Variants in BIRC6 observed in about 807,000 individuals in gnomAD.
BIRC6 encodes the protein dual E2 ubiquitin-conjugating enzyme/E3 ubiquitin-protein ligase BIRC6.
In BIRC6, 98 loss-of-function variants were observed where a neutral mutation model predicts 503.3. The observed-to-expected ratio is 0.19, with a 90% CI of 0.17 to 0.23. The LOEUF is 0.23. Ranked by LOEUF, BIRC6 falls within the 10% of genes least tolerant of loss-of-function variation. The pLI, the probability that BIRC6 is intolerant of heterozygous loss-of-function variation, is 1.00. For missense variants in BIRC6, 5,360 were observed against 5,806.0 expected, an observed-to-expected ratio of 0.92 and a Z score of 2.50; for synonymous variants, 2,240 against 2,078.7, an observed-to-expected ratio of 1.08 and a Z score of -2.11.
At chr2:32,361,224 C>T (rs944099849) in intron 1 of BIRC6, among the ~76,000 whole-genome samples, 10 of 152,200 alleles carry the variant, frequency 6.6e-5, no homozygotes, top group African/African-American at 2.2e-4. Context: ...TTTGGGCCAC[C>T]GCGCCCAGCC....
intron 71 of BIRC6, among the ~76,000 whole-genome samples, chr2:32,606,754 C>T (rs971353977): frequency 6.7e-6 from 1 of 150,006 alleles, no homozygotes; most frequent in African/African-American, 2.4e-5. Flanking sequence ...GCCTGTAATC[C>T]CAGCACTTTG....
rs1418255378 is a variant in BIRC6, at chr2:32,493,775, G to GGA, written c.8468+110_8468+111dup. On this transcript the variant is annotated intron_variant, in intron 45 of 73. Coordinates refer to ENST00000421745, the MANE Select transcript of BIRC6 (RefSeq NM_016252.4). The stretch of plus-strand genomic sequence containing the variant: ...GAATTTATCTGTGAACAAATAAGCA[G>GGA]GAGGACGGTAGTAATTAAGGGGGAA... 9.2e-6 allele frequency: 8 copies of GGA among 873,674 alleles called. No homozygotes were observed. The Admixed American group carries it at 2.0e-4, about 22-fold the overall frequency. The allele number at this position is 873,674 out of a possible 1,614,324, so 54.1% of individuals were successfully genotyped here.
chr2:32,392,978 A>G (rs529448368), intron 5 of BIRC6, among the ~76,000 whole-genome samples: 2 of 152,174 alleles, frequency 1.3e-5, no homozygotes, highest in South Asian at 4.1e-4. Flanking sequence ...AGTATTCTTC[A>G]GATTTGGTTT....
At chr2:32,440,981 G>A (rs1032405947) in intron 16 of BIRC6, among the ~76,000 whole-genome samples, 1 of 151,910 alleles carries the variant, frequency 6.6e-6, no homozygotes, top group African/African-American at 2.4e-5. Flanking sequence ...GGCTGTTCTC[G>A]AACTCCTGAG....
chr2:32,564,695 G>A (rs1425751540), intron 65 of BIRC6: 1 of 152,228 alleles, frequency 6.6e-6, no homozygotes, highest in Non-Finnish European at 1.5e-5. Flanking sequence ...GGGCTGGCTA[G>A]AAGAGGGGAT....
At chr2:32,375,163 G>A (rs897508776) in intron 1 of BIRC6, among the ~76,000 whole-genome samples, 1 of 151,982 alleles carries the variant, frequency 6.6e-6, no homozygotes, top group African/African-American at 2.4e-5. Flanking sequence ...GTATAGAAAA[G>A]TATGATTGAT....
At chr2:32,361,196 A>G (rs1442606964) in intron 1 of BIRC6, among the ~76,000 whole-genome samples, 1 of 152,100 alleles carries the variant, frequency 6.6e-6, no homozygotes, top group Non-Finnish European at 1.5e-5. Flanking sequence ...TGGCCTCCCA[A>G]AGTGTTGGGA....
At chr2:32,459,828 A>G (rs765067239) in intron 23 of BIRC6, among the ~76,000 whole-genome samples, 12 of 151,440 alleles carry the variant, frequency 7.9e-5, no homozygotes, top group Non-Finnish European at 1.2e-4. Flanking sequence ...TTATGTTGTT[A>G]TAAGCGATCT....
At chr2:32,475,403 C>T (rs1277746509) in intron 33 of BIRC6, among the ~76,000 whole-genome samples, 8 of 151,862 alleles carry the variant, frequency 5.3e-5, no homozygotes, top group Admixed American at 6.6e-5. Context: ...TCATTGTTGT[C>T]GACTGCTGAT....
chr2:32,380,120 C>G (rs945672821), intron 2 of BIRC6, 33 bp from the exon 3 acceptor site: 11 of 1,412,302 alleles, frequency 7.8e-6, no homozygotes, highest in Admixed American at 6.2e-5. Flanking sequence ...GTTGAATTTT[C>G]TGTGATTTTT....
intron 5 of BIRC6, among the ~76,000 whole-genome samples, chr2:32,395,114 C>T (rs1245509305): frequency 2.0e-5 from 3 of 152,168 alleles, no homozygotes; most frequent in Non-Finnish European, 2.9e-5. Flanking sequence ...GATTGCGCCA[C>T]TGCACTCCAG....
At chr2:32,527,334 G>C (rs1377378299) in intron 59 of BIRC6, 1 of 152,158 alleles carries the variant, frequency 6.6e-6, no homozygotes, top group Non-Finnish European at 1.5e-5. Context: ...TCATCCTCCA[G>C]CTAAAATTCT....
intron 70 of BIRC6, among the ~76,000 whole-genome samples, chr2:32,600,797 A>C (rs754004668): frequency 3.3e-5 from 5 of 152,184 alleles, no homozygotes; most frequent in Non-Finnish European, 5.9e-5. Context: ...TTATTTTTAA[A>C]GTTTACACAC....
chr2:32,469,334 T>C (rs1221609951), intron 29 of BIRC6, 61 bp from the exon 30 acceptor site: 2 of 1,259,016 alleles, frequency 1.6e-6, no homozygotes, highest in East Asian at 5.1e-5. Context: ...TAGGCATGCG[T>C]ATTTTAATAT....
At chr2:32,396,634 AT>A (rs2039923647) in intron 6 of BIRC6, among the ~76,000 whole-genome samples, 1 of 152,146 alleles carries the variant, frequency 6.6e-6, no homozygotes, top group Non-Finnish European at 1.5e-5. Context: ...TACATACTAT[AT>A]TTTTTTCCCT....
chr2:32,435,434 C>T, intron 13 of BIRC6, 62 bp from the exon 14 acceptor site: 2 of 1,438,192 alleles, frequency 1.4e-6, no homozygotes, highest in Non-Finnish European at 9.2e-7. Flanking sequence ...ATTAAGTTTA[C>T]TAATATTTTT....
At chr2:32,516,868 T>C (rs1027270025) in intron 55 of BIRC6, among the ~76,000 whole-genome samples, 8 of 152,138 alleles carry the variant, frequency 5.3e-5, no homozygotes, top group Non-Finnish European at 8.8e-5. Flanking sequence ...GTTAAATATT[T>C]TAATTTGTGT....
At chr2:32,588,745 T>C (rs2061222796) in intron 66 of BIRC6, among the ~76,000 whole-genome samples, 1 of 152,232 alleles carries the variant, frequency 6.6e-6, no homozygotes, top group African/African-American at 2.4e-5. Context: ...CCTCCACTAA[T>C]AAAGGGATTT....
Position 32,543,300 on chromosome 2 carries a change from T to A in BIRC6, c.12351T>A (p.Phe4117Leu). The change falls in exon 62 of 74, where the codon TTT becomes TTA. Residue 4117 changes from phenylalanine (F) to leucine (L), a missense_variant. Physicochemically the swap from Phe to Leu is conservative, Grantham distance 22. This residue lies in a region of BIRC6 where 878 missense variants were observed against 928.9 expected (regional missense o/e 0.95). Coordinates refer to ENST00000421745, the MANE Select transcript of BIRC6 (RefSeq NM_016252.4). ...TQEKPKDSDQFEWVTIEQSGE... is the reference protein window; with the variant it reads ...TQEKPKDSDQLEWVTIEQSGE... ...AAAAGCCGAAGGATAGCGATCAGTT[T>A]GAATGGGTGACCATTGAACAGTCAG... is the stretch of plus-strand genomic sequence containing the variant. 3.1e-6 allele frequency: 5 copies of A among 1,614,000 alleles called. No individual in the cohort carries two copies. The highest frequency in any genetic ancestry group is 4.2e-6 in the Non-Finnish European group (5 of 1,179,880).
Sources: gnomAD v4.1 joint callset for allele counts (sites outside exome capture counted in the v4.1 genomes callset) on GRCh38, gnomAD v4.1.1 for gene constraint, gnomAD v4.1.1 regional missense constraint, MANE v1.5 for transcripts, NCBI Gene and HGNC (gene_info 2026-07-23, HGNC 2026-07-21) for gene names.